The following WTIP variants were observed in gnomAD, a reference collection of about 807,000 sequenced individuals.
The protein encoded by WTIP is WT1 interacting protein.
Under a neutral mutation model 41.7 loss-of-function variants are expected in WTIP, and 23 were observed. The ratio of observed to expected loss-of-function variants is 0.55; its 90% CI spans 0.40 to 0.78. The LOEUF is 0.78. WTIP is among the 30% of genes least tolerant of loss of function. WTIP has a pLI of 0.00. For missense variants in WTIP, 619 were observed against 610.5 expected (o/e 1.01, Z -0.15); for synonymous variants, 314 against 269.9 (o/e 1.16, Z -1.60).
Position 34,493,842 on chromosome 19 carries a change from G to C in WTIP, c.1031+220G>C, listed in dbSNP as rs756323391. The stretch of plus-strand genomic sequence containing the variant: ...GTCTTTTGCCTCTTCTCTCCCTATC[G>C]TGGCCTGCATGCTTCTCTACTCCTG... On this transcript the variant is annotated intron_variant, in intron 5 of 7. Coordinates refer to ENST00000590071, the MANE Select transcript of WTIP (RefSeq NM_001080436.2). The surrounding 1 kb of genome is among the most constrained non-coding windows in gnomAD (Gnocchi z 4.1). Among the ~76,000 whole-genome samples the C allele has an allele frequency of 6.6e-6, 1 of 151,850 alleles. No individual in the cohort carries two copies. Among genetic ancestry groups the C allele is most frequent in the Non-Finnish European group, 1.5e-5 (1 of 67,988 alleles).
Position 34,499,958 on chromosome 19 carries a change from C to T in WTIP, c.1153-171C>T, listed in dbSNP as rs940958839. On this transcript the variant is annotated intron_variant, in intron 7 of 7. Transcript: ENST00000590071. ...AGCGATGATCCAGCCGCCTCAGCCT[C>T]CCAAAGTGCTGGGATTACAGGTGTG... Among the ~76,000 whole-genome samples the T allele has an allele frequency of 2.2e-4, 33 of 152,276 alleles. 1 individual carries two copies. The highest frequency in any genetic ancestry group is 4.4e-5 in the Non-Finnish European group (3 of 68,032).
At chr19:34,498,046 G>A (rs577361723) in intron 7 of WTIP, among the ~76,000 whole-genome samples, 10 of 152,076 alleles carry the variant, frequency 6.6e-5, no homozygotes, top group African/African-American at 1.2e-4. Context: ...TGCAGCGGTC[G>A]GTAGCAGGGC....
intron 1 of WTIP, among the ~76,000 whole-genome samples, chr19:34,483,007 T>TTC (rs2075777877): frequency 1.7e-5 from 2 of 114,496 alleles, no homozygotes; most frequent in Non-Finnish European, 3.6e-5. Context: ...TTCTTTCTTC[T>TTC]TTTTTTTTTT....
At chr19:34,482,995 T>TTTCC (rs2075777409) in intron 1 of WTIP, among the ~76,000 whole-genome samples, 1 of 150,544 alleles carries the variant, frequency 6.6e-6, no homozygotes. Flanking sequence ...TCTTTTTTTT[T>TTTCC]TTTCTTTCTT....
rs2075885154 is a variant in WTIP, at chr19:34,501,258, GTGGTAAGAACC to G, written c.*991_*1001del. ...TGTCTGTTACGGAGCTGGTTTTCAG[GTGGTAAGAACC>G]TTGTGGTTTCAGGACTTTTGTCCTG... On this transcript the variant is annotated 3_prime_UTR_variant, in exon 8 of 8. Transcript: ENST00000590071. 6.6e-6 allele frequency: 1 copy of G among 152,612 alleles called. No homozygotes were observed. Among genetic ancestry groups the G allele is most frequent in the African/African-American group, 2.4e-5 (1 of 41,452 alleles). The allele number at this position is 152,612 out of a possible 1,614,324, so 9.5% of individuals were successfully genotyped here. A position where few individuals can be genotyped will look rare whatever the true frequency, so the allele number is the denominator to read the frequency against.
At position 34,493,835 on chromosome 19, in the gene WTIP, C is replaced by T. The variant is rs571023771; in HGVS notation, c.1031+213C>T. Among the ~76,000 whole-genome samples the T allele has an allele frequency of 2.0e-5, 3 of 152,208 alleles. No individual in the cohort carries two copies. The highest frequency in any genetic ancestry group is 4.8e-5 in the African/African-American group (2 of 41,532). ...ACCAGCTGTCTTTTGCCTCTTCTCT[C>T]CCTATCGTGGCCTGCATGCTTCTCT... On this transcript the variant is annotated intron_variant, in intron 5 of 7. Coordinates refer to ENST00000590071, the MANE Select transcript of WTIP (RefSeq NM_001080436.2). The surrounding 1 kb of genome is among the most constrained non-coding windows in gnomAD (Gnocchi z 4.1).
chr19:34,495,606 G>C, intron 6 of WTIP, 97 bp from the exon 7 acceptor site: 2 of 1,423,884 alleles, frequency 1.4e-6, no homozygotes, highest in Non-Finnish European at 1.9e-6. Flanking sequence ...GTGCACCTCC[G>C]CCGGGACAGG....
intron 7 of WTIP, among the ~76,000 whole-genome samples, chr19:34,496,872 T>C (rs1345295244): frequency 2.2e-5 from 3 of 138,070 alleles, no homozygotes; most frequent in Non-Finnish European, 4.8e-5. Context: ...TCTGAATCTT[T>C]TTTTTTGTTG....
In WTIP at chr19:34,504,106, C is replaced by T. The variant is rs1219971703; in HGVS notation, c.*3837C>T. Reference sequence around the variant, plus strand: ...CGTGTGTGAAAGGGATTGAATATTTCAGAAAATGAATGAGAGAGATTGGGA... The same window carrying T: ...CGTGTGTGAAAGGGATTGAATATTTTAGAAAATGAATGAGAGAGATTGGGA... On this transcript the variant is annotated 3_prime_UTR_variant, in exon 8 of 8. Coordinates refer to ENST00000590071, the MANE Select transcript of WTIP (RefSeq NM_001080436.2). 1 of 151,726 alleles carries T rather than the reference C, an allele frequency of 6.6e-6. No individual in the cohort carries two copies. Among genetic ancestry groups the T allele is most frequent in the Non-Finnish European group, 1.5e-5 (1 of 68,004 alleles). The allele number at this position is 151,726 out of a possible 1,614,324, so 9.4% of individuals were successfully genotyped here. A position where few individuals can be genotyped will look rare whatever the true frequency, so the allele number is the denominator to read the frequency against.
intron 1 of WTIP, among the ~76,000 whole-genome samples, chr19:34,485,565 C>T (rs1182019115): frequency 2.0e-5 from 3 of 152,040 alleles, no homozygotes; most frequent in African/African-American, 7.2e-5. Flanking sequence ...AAACCTCGTC[C>T]TCAGAGTGTG....
At chr19:34,494,511 G>A in intron 5 of WTIP, 75 bp from the exon 6 acceptor site, 3 of 1,479,990 alleles carry the variant, frequency 2.0e-6, no homozygotes, top group Admixed American at 1.8e-5. Context: ...GTGGGTTCCT[G>A]TGGGTGCCCC....
intron 7 of WTIP, among the ~76,000 whole-genome samples, chr19:34,498,225 G>A (rs1278209805): frequency 6.6e-6 from 1 of 152,240 alleles, no homozygotes; most frequent in South Asian, 2.1e-4. Flanking sequence ...GCCCGCAACG[G>A]TAAAAACTGC....
At chr19:34,497,054 G>T (rs2075858308) in intron 7 of WTIP, among the ~76,000 whole-genome samples, 1 of 152,052 alleles carries the variant, frequency 6.6e-6, no homozygotes, top group Non-Finnish European at 1.5e-5. Flanking sequence ...GTAGTGACAG[G>T]GTTTCACCAT....
Position 34,507,615 on chromosome 19 carries a change from G to A in WTIP, c.*7346G>A, listed in dbSNP as rs2075917915. 6.6e-6 allele frequency: 1 copy of A among 152,278 alleles called. No homozygotes were observed. Among genetic ancestry groups the A allele is most frequent in the Non-Finnish European group, 1.5e-5 (1 of 68,152 alleles). The allele number at this position is 152,278 out of a possible 1,614,324, so 9.4% of individuals were successfully genotyped here. On this transcript the variant is annotated 3_prime_UTR_variant, in exon 8 of 8. Coordinates refer to ENST00000590071, the MANE Select transcript of WTIP (RefSeq NM_001080436.2). ...CTGTCAGTCTTGTCACCAGGGAGCT[G>A]GAGACCTGGAGGGGAGCCCTGATGT...
intron 7 of WTIP, among the ~76,000 whole-genome samples, chr19:34,499,505 C>T (rs2075872861): frequency 6.6e-6 from 1 of 152,142 alleles, no homozygotes; most frequent in African/African-American, 2.4e-5. Flanking sequence ...GAGACCCTGT[C>T]TCAAACAACA....
At chr19:34,496,139 A>G (rs920728354) in intron 7 of WTIP, among the ~76,000 whole-genome samples, 4 of 152,172 alleles carry the variant, frequency 2.6e-5, no homozygotes, top group Non-Finnish European at 4.4e-5. Context: ...CCTGGGCAAC[A>G]AGAGTGAGAC....
rs1226625397 is a variant in WTIP at position 34,482,544 on chromosome 19, C to G, written c.570C>G (p.Gly190=). 48 of 1,228,646 alleles carry G rather than the reference C, an allele frequency of 3.9e-5. No homozygotes were observed. Among genetic ancestry groups the G allele is most frequent in the Non-Finnish European group, 4.5e-5 (44 of 987,004 alleles). 76.1% of individuals were successfully genotyped at this position (1,228,646 alleles called of 1,614,324 possible). ...FPLPALPLPP[G]REGGPSAAER... Reference sequence around the variant, plus strand: ...TGCCTGCACTCCCGCTGCCCCCTGGCCGGGAGGGCGGCCCAAGCGCGGCCG... The same window carrying G: ...TGCCTGCACTCCCGCTGCCCCCTGGGCGGGAGGGCGGCCCAAGCGCGGCCG... The change falls in exon 1 of 8, where the codon GGC becomes GGG. Residue 190 remains glycine (G), a synonymous_variant. Coordinates refer to ENST00000590071, the MANE Select transcript of WTIP (RefSeq NM_001080436.2).
chr19:34,501,804 G>T lies in WTIP; in HGVS notation c.*1535G>T, dbSNP rs187028795. 90 of 152,624 alleles carry T rather than the reference G, an allele frequency of 5.9e-4. 1 individual carries two copies. Among genetic ancestry groups the T allele is most frequent in the African/African-American group, 2.1e-3 (86 of 41,566 alleles). The allele number at this position is 152,624 out of a possible 1,614,324, so 9.5% of individuals were successfully genotyped here. A position where few individuals can be genotyped will look rare whatever the true frequency, so the allele number is the denominator to read the frequency against. Reference sequence around the variant, plus strand: ...AGCCTTAGCCAGGGACTTACACAGCGTGGAGAGCGCTGCATCTTAGAGTGG... The same window carrying T: ...AGCCTTAGCCAGGGACTTACACAGCTTGGAGAGCGCTGCATCTTAGAGTGG... On this transcript the variant is annotated 3_prime_UTR_variant, in exon 8 of 8. Coordinates refer to ENST00000590071, the MANE Select transcript of WTIP (RefSeq NM_001080436.2).
Position 34,508,935 on chromosome 19 carries a change from T to TA in WTIP, c.*8667dup, listed in dbSNP as rs2145620351. Reference sequence around the variant, plus strand: ...GAAAATTTTCTTCTACAACACGACATACGTTCATTGTGGTACATTTAGGAA... The same window carrying TA: ...GAAAATTTTCTTCTACAACACGACATAACGTTCATTGTGGTACATTTAGGAA... On this transcript the variant is annotated 3_prime_UTR_variant, in exon 8 of 8. Transcript: ENST00000590071. 1 of 152,376 alleles carries TA rather than the reference T, an allele frequency of 6.6e-6. No homozygotes were observed. The highest frequency in any genetic ancestry group is 2.1e-4 in the South Asian group (1 of 4,834). The allele number at this position is 152,376 out of a possible 1,614,324, so 9.4% of individuals were successfully genotyped here. A position where few individuals can be genotyped will look rare whatever the true frequency, so the allele number is the denominator to read the frequency against.
Sources: allele counts gnomAD v4.1 joint callset (sites outside exome capture counted in the v4.1 genomes callset), GRCh38; gene constraint gnomAD v4.1.1; non-coding constraint Gnocchi (gnomAD v3.1); transcripts MANE v1.5; gene names NCBI Gene and HGNC (gene_info 2026-07-23, HGNC 2026-07-21).